CNTNAP4: variants seen among roughly 807,000 people sequenced by gnomAD.
The protein encoded by CNTNAP4 is contactin-associated protein-like 4.
CNTNAP4 carries 98 observed loss-of-function variants against 148.4 expected under a neutral mutation model. That is an observed-to-expected ratio of 0.66 (90% CI 0.56 to 0.78). The LOEUF is 0.78. Ranked by LOEUF, CNTNAP4 falls within the 30% of genes least tolerant of loss-of-function variation. The pLI, the probability that CNTNAP4 is intolerant of heterozygous loss-of-function variation, is 0.00. For missense variants in CNTNAP4, 1,935 were observed against 1,565.6 expected (o/e 1.24, Z -3.98); for synonymous variants, 730 against 565.1 (o/e 1.29, Z -4.14).
At chr16:76,328,377 G>T (rs1443819097) in intron 2 of CNTNAP4, among the ~76,000 whole-genome samples, 1 of 152,118 alleles carries the variant, frequency 6.6e-6, no homozygotes, top group African/African-American at 2.4e-5. Context: ...GCCATTCTCA[G>T]AAATGTTAAG....
At chr16:76,328,651 G>A (rs561912482) in intron 2 of CNTNAP4, among the ~76,000 whole-genome samples, 33 of 146,900 alleles carry the variant, frequency 2.2e-4, no homozygotes, top group African/African-American at 7.2e-4. Context: ...TGTAAGGTGT[G>A]TTTTTTTTTT....
At chr16:76,351,440 AT>A (rs1350329140) in intron 2 of CNTNAP4, among the ~76,000 whole-genome samples, 2 of 152,068 alleles carry the variant, frequency 1.3e-5, no homozygotes, top group African/African-American at 4.8e-5. Context: ...TATGTCTTCC[AT>A]TTTACTATTT....
chr16:76,300,561 T>A (rs957743312), intron 1 of CNTNAP4, among the ~76,000 whole-genome samples: 15 of 152,110 alleles, frequency 9.9e-5, no homozygotes, highest in Admixed American at 2.0e-4. Flanking sequence ...AAATTATAAA[T>A]TAAAAACAAA....
chr16:76,550,230 A>G (rs996151580), intron 21 of CNTNAP4, among the ~76,000 whole-genome samples: 5 of 152,194 alleles, frequency 3.3e-5, no homozygotes, highest in Admixed American at 2.6e-4. Flanking sequence ...TCATAGTATT[A>G]TCAGTCTTTA....
At chr16:76,344,629 C>T (rs543945549) in intron 2 of CNTNAP4, among the ~76,000 whole-genome samples, 1 of 152,290 alleles carries the variant, frequency 6.6e-6, no homozygotes, top group East Asian at 1.9e-4. Flanking sequence ...ACACAAAATA[C>T]TCCATATTTT....
intron 21 of CNTNAP4, among the ~76,000 whole-genome samples, chr16:76,541,360 G>T (rs1475504291): frequency 6.6e-6 from 1 of 152,156 alleles, no homozygotes; most frequent in Non-Finnish European, 1.5e-5. Context: ...GAGTAGAAAT[G>T]CACTGTTGCC....
At chr16:76,440,450 C>A (rs1230401799) in intron 4 of CNTNAP4, among the ~76,000 whole-genome samples, 1 of 152,096 alleles carries the variant, frequency 6.6e-6, no homozygotes, top group East Asian at 1.9e-4. Context: ...CTTCAAGGGA[C>A]AAATCTCTAC....
intron 21 of CNTNAP4, among the ~76,000 whole-genome samples, chr16:76,550,628 T>A (rs72801223): frequency 0.19 from 29,191 of 151,584 alleles, 3,513 homozygotes; most frequent in Middle Eastern, 0.31. Context: ...CCTATGAGAG[T>A]TTTTCTTTTT....
chr16:76,427,095 A>C (rs2079431470), intron 3 of CNTNAP4, among the ~76,000 whole-genome samples: 1 of 152,170 alleles, frequency 6.6e-6, no homozygotes. Context: ...ACCCTTGGAG[A>C]ATATTTTCTC....
chr16:76,437,818 C>G (rs1430377990), intron 4 of CNTNAP4, among the ~76,000 whole-genome samples: 2 of 152,098 alleles, frequency 1.3e-5, no homozygotes, highest in East Asian at 1.9e-4. Flanking sequence ...TTTGGCAGCA[C>G]TAAATAAATG....
At chr16:76,325,152 G>A (rs938491558) in intron 2 of CNTNAP4, among the ~76,000 whole-genome samples, 2 of 152,114 alleles carry the variant, frequency 1.3e-5, no homozygotes, top group African/African-American at 2.4e-5. Context: ...AGAAATAATA[G>A]AGGTAGACAG....
At chr16:76,291,048 T>G (rs1294109404) in intron 1 of CNTNAP4, among the ~76,000 whole-genome samples, 1 of 152,124 alleles carries the variant, frequency 6.6e-6, no homozygotes, top group East Asian at 1.9e-4. Context: ...CCTTACAACC[T>G]CATTTAAACA....
rs150806968 is a variant in CNTNAP4 at position 76,475,964 on chromosome 16, G to A, written c.1681G>A (p.Gly561Ser). The change falls in exon 11 of 24, where the codon GGT becomes AGT. Residue 561 changes from glycine to serine, a missense_variant. By Grantham distance (56) the Gly-to-Ser change is moderately conservative. Coordinates refer to ENST00000611870, the MANE Select transcript of CNTNAP4 (RefSeq NM_033401.5). Reference sequence around the variant, plus strand: ...GTGTTTGCCCAACTATTGTGAACACGGTGGGGAGTGTTCCCAGTCCTGGAG... The same window carrying A: ...GTGTTTGCCCAACTATTGTGAACACAGTGGGGAGTGTTCCCAGTCCTGGAG... The part of the protein sequence containing the change: ...DRCLPNYCEH[G>S]GECSQSWSTF... 93 of 1,613,716 alleles carry A rather than the reference G, an allele frequency of 5.8e-5. No individual in the cohort carries two copies. The highest frequency in any genetic ancestry group is 7.2e-5 in the Non-Finnish European group (85 of 1,179,668).
intron 12 of CNTNAP4, among the ~76,000 whole-genome samples, chr16:76,488,148 G>C (rs1402728825): frequency 6.6e-6 from 1 of 152,112 alleles, no homozygotes; most frequent in Non-Finnish European, 1.5e-5. Flanking sequence ...TGAAATTACA[G>C]AATTTCAGAC....
chr16:76,480,847 G>A (rs1228439248), intron 12 of CNTNAP4, among the ~76,000 whole-genome samples: 2 of 152,182 alleles, frequency 1.3e-5, no homozygotes, highest in Admixed American at 6.5e-5. Flanking sequence ...CTCAAGCAGG[G>A]TGTTTGTTTG....
At chr16:76,517,551 G>A (rs1237175020) in intron 15 of CNTNAP4, among the ~76,000 whole-genome samples, 8 of 152,046 alleles carry the variant, frequency 5.3e-5, no homozygotes, top group Admixed American at 5.2e-4. Context: ...ATTTTATTTT[G>A]CTTTTAAGAA....
chr16:76,324,200 G>A (rs967170798), intron 2 of CNTNAP4, among the ~76,000 whole-genome samples: 2 of 152,084 alleles, frequency 1.3e-5, no homozygotes, highest in Non-Finnish European at 2.9e-5. Context: ...ATAAGATACA[G>A]GAATTCAAAA....
At chr16:76,451,826 G>T (rs2080493536) in intron 7 of CNTNAP4, among the ~76,000 whole-genome samples, 1 of 151,964 alleles carries the variant, frequency 6.6e-6, no homozygotes. Flanking sequence ...AGCACAGTAG[G>T]GCGACTATAG....
chr16:76,514,482 A>T (rs939958883), intron 15 of CNTNAP4, among the ~76,000 whole-genome samples: 5 of 152,230 alleles, frequency 3.3e-5, no homozygotes, highest in Non-Finnish European at 5.9e-5. Flanking sequence ...GATAGTTTGT[A>T]AGATCTTTTG....
Sources: gnomAD v4.1 joint callset for allele counts (sites outside exome capture counted in the v4.1 genomes callset) on GRCh38, gnomAD v4.1.1 for gene constraint, MANE v1.5 for transcripts, NCBI Gene and HGNC (gene_info 2026-07-23, HGNC 2026-07-21) for gene names.